The following CBLB variants were observed in gnomAD, a reference collection of about 807,000 sequenced individuals.
CBLB encodes Cbl proto-oncogene B.
Under a neutral mutation model 104.9 loss-of-function variants are expected in CBLB, and 31 were observed. The ratio of observed to expected loss-of-function variants is 0.30; its 90% CI spans 0.22 to 0.40. CBLB has a LOEUF of 0.40. CBLB is among the 10% of genes least tolerant of loss of function. The pLI is 1.00. For missense variants in CBLB, 1,062 were observed against 1,214.6 expected (o/e 0.87, Z 1.87); for synonymous variants, 440 against 422.6 (o/e 1.04, Z -0.51).
At chr3:105,780,653 G>GTTTTTTTTTTTTTTTTTTTTTTTTT (rs1245925965) in intron 3 of CBLB, among the ~76,000 whole-genome samples, 2 of 84,684 alleles carry the variant, frequency 2.4e-5, no homozygotes, top group Admixed American at 1.3e-4. Context: ...TAAAAGTTTT[G>GTTTTTTTTTTTTTTTTTTTTTTTTT]TTTTTTGTTT....
chr3:105,757,153 A>G (rs1353508034), intron 4 of CBLB, among the ~76,000 whole-genome samples: 1 of 152,184 alleles, frequency 6.6e-6, no homozygotes, highest in Non-Finnish European at 1.5e-5. Context: ...CTTCTCCTTG[A>G]TGTTATATAT....
At chr3:105,761,939 G>C (rs554922077) in intron 4 of CBLB, among the ~76,000 whole-genome samples, 33 of 152,278 alleles carry the variant, frequency 2.2e-4, no homozygotes, top group Non-Finnish European at 4.9e-4. Flanking sequence ...GGTGGACTGA[G>C]ATGGAGATGG....
At chr3:105,671,315 C>T (rs973147958) in intron 17 of CBLB, 9 of 211,870 alleles carry the variant, frequency 4.2e-5, no homozygotes, top group Admixed American at 1.2e-4. Context: ...TTTATGTTGT[C>T]GATATCTCTG....
intron 6 of CBLB, among the ~76,000 whole-genome samples, chr3:105,742,980 T>C (rs147609371): frequency 4.0e-4 from 61 of 152,282 alleles, no homozygotes; most frequent in African/African-American, 1.4e-3. Flanking sequence ...ATATAAGAGA[T>C]AGTAATACCA....
chr3:105,794,140 AAATTCCCG>A (rs1577250110), intron 3 of CBLB, among the ~76,000 whole-genome samples: 1 of 152,208 alleles, frequency 6.6e-6, no homozygotes, highest in East Asian at 1.9e-4. Flanking sequence ...TTTGGGCATA[AAATTCCCG>A]GTCATCAAAT....
rs76623134 is a variant in CBLB at position 105,853,120 on chromosome 3, C to T, written c.419+294G>A. Among the ~76,000 whole-genome samples the T allele has an allele frequency of 6.3e-3, 961 of 152,300 alleles. 30 individuals are homozygous for T. The highest frequency in any genetic ancestry group is 0.055 in the East Asian group (284 of 5,184). On this transcript the variant is annotated intron_variant, in intron 3 of 18. Transcript: ENST00000394030. ...CTGCCCACAGTATTCAGTACAGTAA[C>T]ATACTGTATAGATTTGCAGCCTAGG... is the stretch of plus-strand genomic sequence containing the variant.
intron 3 of CBLB, among the ~76,000 whole-genome samples, chr3:105,837,370 T>C (rs1212679794): frequency 6.6e-6 from 1 of 152,224 alleles, no homozygotes; most frequent in Non-Finnish European, 1.5e-5. Context: ...AAAAGTCCTG[T>C]GTATTCAGGG....
At chr3:105,700,094 A>T (rs2068876149) in intron 12 of CBLB, among the ~76,000 whole-genome samples, 1 of 152,138 alleles carries the variant, frequency 6.6e-6, no homozygotes, top group South Asian at 2.1e-4. Context: ...TTCACACAGA[A>T]ATATTTAAAG....
At chr3:105,818,104 C>A (rs938966637) in intron 3 of CBLB, among the ~76,000 whole-genome samples, 2 of 151,894 alleles carry the variant, frequency 1.3e-5, no homozygotes, top group African/African-American at 2.4e-5. Flanking sequence ...TCAAAAACAC[C>A]ACAAATTTCA....
intron 2 of CBLB, among the ~76,000 whole-genome samples, chr3:105,856,360 A>G (rs1052837489): frequency 9.9e-5 from 15 of 151,678 alleles, no homozygotes; most frequent in African/African-American, 3.1e-4. Context: ...AAAAAAAAAA[A>G]AAAAAAAAGA....
chr3:105,776,335 A>C (rs9657905), intron 4 of CBLB, 61 bp downstream of exon 4: 71,505 of 1,409,744 alleles, frequency 0.051, 2,185 homozygotes, highest in Non-Finnish European at 0.059. Flanking sequence ...ATCCAACTGG[A>C]GGGAGGATAC....
chr3:105,864,693 T>G (rs1282822228), intron 2 of CBLB, among the ~76,000 whole-genome samples: 2 of 152,176 alleles, frequency 1.3e-5, no homozygotes, highest in African/African-American at 4.8e-5. Context: ...CGCTCTCCTA[T>G]TCTCAGTGAC....
intron 5 of CBLB, among the ~76,000 whole-genome samples, chr3:105,750,917 G>T (rs1322433705): frequency 6.6e-6 from 1 of 152,164 alleles, no homozygotes. Context: ...AACTGATGAA[G>T]AATATTTATT....
At chr3:105,851,424 T>C (rs529192140) in intron 3 of CBLB, among the ~76,000 whole-genome samples, 2 of 152,162 alleles carry the variant, frequency 1.3e-5, no homozygotes, top group Admixed American at 6.6e-5. Flanking sequence ...TTTAGGGCAG[T>C]GAAACAATTC....
intron 16 of CBLB, among the ~76,000 whole-genome samples, chr3:105,680,587 A>G (rs2066195681): frequency 6.6e-6 from 1 of 152,200 alleles, no homozygotes; most frequent in Non-Finnish European, 1.5e-5. Flanking sequence ...GATGTAGGTG[A>G]GAATAAAGTC....
chr3:105,731,762 T>C (rs1388963784), intron 9 of CBLB, among the ~76,000 whole-genome samples: 1 of 152,212 alleles, frequency 6.6e-6, no homozygotes, highest in East Asian at 1.9e-4. Context: ...GCCAGTAAAC[T>C]ATTTTGTATG....
intron 4 of CBLB, among the ~76,000 whole-genome samples, chr3:105,752,464 C>T (rs920188218): frequency 6.6e-6 from 1 of 152,102 alleles, no homozygotes; most frequent in Non-Finnish European, 1.5e-5. Flanking sequence ...ATGCCTATTC[C>T]TAATTCGGCA....
At chr3:105,674,276 T>C (rs777775841) in intron 17 of CBLB, among the ~76,000 whole-genome samples, 1 of 152,236 alleles carries the variant, frequency 6.6e-6, no homozygotes, top group Admixed American at 6.5e-5. Flanking sequence ...ATCATGATGA[T>C]GCTTTATAAA....
chr3:105,831,245 ATTCTAAGCTAGGCGTATACTCCCAT>A (rs1249181654), intron 3 of CBLB, among the ~76,000 whole-genome samples: 1 of 152,200 alleles, frequency 6.6e-6, no homozygotes, highest in Non-Finnish European at 1.5e-5. Context: ...CACATATTGT[ATTCTAAGCTAGGCGTATACTCCCAT>A]TCCTTTAAAA....
Sources: gnomAD v4.1 joint callset for allele counts (sites outside exome capture counted in the v4.1 genomes callset) on GRCh38, gnomAD v4.1.1 for gene constraint, MANE v1.5 for transcripts, NCBI Gene and HGNC (gene_info 2026-07-23, HGNC 2026-07-21) for gene names.